Variants in AFDN observed in about 807,000 individuals in gnomAD.
The protein encoded by AFDN is afadin.
A neutral mutation model predicts 216.6 loss-of-function variants in AFDN; 68 were observed. The observed-to-expected ratio is 0.31, with a 90% CI of 0.26 to 0.38. AFDN has a LOEUF of 0.38. AFDN is among the 10% of genes least tolerant of loss of function. The pLI, the probability that AFDN is intolerant of heterozygous loss-of-function variation, is 1.00. For synonymous variants in AFDN, 868 were observed against 853.7 expected (o/e 1.02, Z -0.29); for missense variants, 2,136 against 2,342.0 (o/e 0.91, Z 1.82).
At chr6:167,831,277 C>G (rs188837291) in intron 1 of AFDN, among the ~76,000 whole-genome samples, 1 of 152,282 alleles carries the variant, frequency 6.6e-6, no homozygotes, top group African/African-American at 2.4e-5. Context: ...TGCTGAAGAT[C>G]TGTTTCTGGT....
In AFDN at chr6:167,926,222, A is replaced by G. The variant is rs917856060; in HGVS notation, c.3099+1131A>G. On this transcript the variant is annotated intron_variant, in intron 23 of 33. Transcript: ENST00000683244. ...CTTTCACCGAAGCTTTTTCTTCCTC[A>G]GCTGCTCTAATTTGTGAAGGGTCCG... is the stretch of plus-strand genomic sequence containing the variant. Among the ~76,000 whole-genome samples, 57 of 152,186 alleles carry G rather than the reference A, an allele frequency of 3.7e-4. 1 individual carries two copies. Among genetic ancestry groups the G allele is most frequent in the Admixed American group, 1.3e-4 (2 of 15,274 alleles).
chr6:167,889,156 A>T, intron 6 of AFDN, 59 bp from the exon 7 acceptor site: 2 of 1,111,532 alleles, frequency 1.8e-6, no homozygotes, highest in Non-Finnish European at 2.7e-6. Context: ...TGTTCTTTTA[A>T]GTACTTGTTA....
At chr6:167,885,901 T>G (rs1453293300) in intron 6 of AFDN, among the ~76,000 whole-genome samples, 1 of 152,222 alleles carries the variant, frequency 6.6e-6, no homozygotes, top group Non-Finnish European at 1.5e-5. Flanking sequence ...CACAATGCTG[T>G]GTATATGTTT....
intron 6 of AFDN, among the ~76,000 whole-genome samples, chr6:167,886,039 A>T (rs2128316581): frequency 6.6e-6 from 1 of 152,344 alleles, no homozygotes; most frequent in South Asian, 2.1e-4. Flanking sequence ...TATAAAATAA[A>T]TGCATAAAGA....
intron 23 of AFDN, among the ~76,000 whole-genome samples, chr6:167,925,860 ATG>A (rs1792458529): frequency 6.6e-6 from 1 of 151,840 alleles, no homozygotes; most frequent in African/African-American, 2.4e-5. Context: ...TGAAACAAAT[ATG>A]TGTTTAGCTA....
chr6:167,944,882 G>A (rs184292610), intron 26 of AFDN, among the ~76,000 whole-genome samples: 13 of 152,188 alleles, frequency 8.5e-5, no homozygotes, highest in African/African-American at 2.2e-4. Context: ...GTGCGTCCAC[G>A]AGTGAGTAGT....
Position 167,962,783 on chromosome 6 carries a change from G to T in AFDN, c.4968+216G>T. The T allele has an allele frequency of 7.2e-7, 1 of 1,389,790 alleles. No homozygotes were observed. Among genetic ancestry groups the T allele is most frequent in the Non-Finnish European group, 9.3e-7 (1 of 1,072,478 alleles). 86.1% of individuals were successfully genotyped at this position (1,389,790 alleles called of 1,614,324 possible). A position where few individuals can be genotyped will look rare whatever the true frequency, so the allele number is the denominator to read the frequency against. ...GTCTCCAGATCCCCTTATCTGCCAA[G>T]TTTTGTCTCCTTCAAACTTCTGAAC... On this transcript the variant is annotated intron_variant, in intron 31 of 33. Transcript: ENST00000683244. This position sits in a 1 kb window ranked among gnomAD's most constrained non-coding sequence, Gnocchi z 5.2.
intron 26 of AFDN, among the ~76,000 whole-genome samples, chr6:167,944,396 A>G (rs1046492053): frequency 2.6e-5 from 4 of 152,228 alleles, no homozygotes; most frequent in Admixed American, 6.5e-5. Context: ...GAACTGGGAA[A>G]AAAACTAAAG....
chr6:167,936,592 T>C (rs1463642080), intron 23 of AFDN, among the ~76,000 whole-genome samples: 1 of 152,194 alleles, frequency 6.6e-6, no homozygotes, highest in Non-Finnish European at 1.5e-5. Context: ...CCGTAGGCAG[T>C]ACAATTCTCA....
intron 1 of AFDN, among the ~76,000 whole-genome samples, chr6:167,850,995 G>A (rs150292896): frequency 0.034 from 5,230 of 151,944 alleles, 123 homozygotes; most frequent in African/African-American, 0.055. Flanking sequence ...CCTGCATTCA[G>A]GCGATTCTCC....
chr6:167,880,549 C>G, intron 6 of AFDN, 32 bp downstream of exon 6: 1 of 1,596,552 alleles, frequency 6.3e-7, no homozygotes, highest in Non-Finnish European at 8.6e-7. Flanking sequence ...GTAGTTCTTT[C>G]TACTTCACAT....
rs139997773 is a variant in AFDN at position 167,971,972 on chromosome 6, C to T, written c.*2037C>T. On this transcript the variant is annotated 3_prime_UTR_variant, in exon 34 of 34. Coordinates refer to ENST00000683244, the MANE Select transcript of AFDN (RefSeq NM_001386888.1). Reference sequence around the variant, plus strand: ...TTATATTTGTAACATCAGCCTTCCTCGCCCATCTCTTTCCATCTGTCTCTT... The same window carrying T: ...TTATATTTGTAACATCAGCCTTCCTTGCCCATCTCTTTCCATCTGTCTCTT... 1.5e-3 allele frequency: 294 copies of T among 194,774 alleles called. 1 individual carries two copies. The highest frequency in any genetic ancestry group is 6.2e-3 in the African/African-American group (268 of 43,224). 12.1% of individuals were successfully genotyped at this position (194,774 alleles called of 1,614,324 possible).
intron 1 of AFDN, among the ~76,000 whole-genome samples, chr6:167,857,224 A>T (rs1386372010): frequency 1.4e-5 from 2 of 138,482 alleles, no homozygotes; most frequent in African/African-American, 5.1e-5. Context: ...GAGAGATAGG[A>T]TGGGGGTGGG....
chr6:167,849,327 A>C (rs559324598), intron 1 of AFDN, among the ~76,000 whole-genome samples: 115 of 151,762 alleles, frequency 7.6e-4, no homozygotes, highest in Non-Finnish European at 1.3e-3. Context: ...GGGGGGAGAG[A>C]TTTCCAGCAA....
intron 5 of AFDN, among the ~76,000 whole-genome samples, chr6:167,878,597 CTCTCTCTCTG>C (rs1026895852): frequency 1.4e-5 from 2 of 141,486 alleles, no homozygotes; most frequent in African/African-American, 5.1e-5. Context: ...CTCTCTCTCT[CTCTCTCTCTG>C]TCTCTCTCTC....
chr6:167,871,616 G>A (rs915676507), intron 3 of AFDN, among the ~76,000 whole-genome samples: 1 of 152,206 alleles, frequency 6.6e-6, no homozygotes, highest in East Asian at 1.9e-4. Flanking sequence ...CTGCTAGCAG[G>A]CCATTGTTCG....
intron 23 of AFDN, among the ~76,000 whole-genome samples, chr6:167,928,690 C>G (rs1190527634): frequency 1.3e-5 from 2 of 152,236 alleles, no homozygotes; most frequent in African/African-American, 4.8e-5. Flanking sequence ...TCCACCCGGC[C>G]TCTGCCCATT....
In AFDN at chr6:167,834,457, G is replaced by GTTTTTT. The variant is rs11446838; in HGVS notation, c.105+7237_105+7242dup. 3.7e-4 allele frequency among the ~76,000 whole-genome samples: 28 copies of GTTTTTT among 75,246 alleles called. 3 individuals carry two copies. The highest frequency in any genetic ancestry group is 8.4e-4 in the African/African-American group (16 of 19,118). 49.4% of individuals were successfully genotyped at this position (75,246 alleles called of 152,430 possible). The stretch of plus-strand genomic sequence containing the variant: ...GATTTTTGTTGTTGTTGTTGTTTCG[G>GTTTTTT]TTTTTTTTTTTTTTTTTTTTTTCGA... On this transcript the variant is annotated intron_variant, in intron 1 of 33. Coordinates refer to ENST00000683244, the MANE Select transcript of AFDN (RefSeq NM_001386888.1).
chr6:167,895,826 A>G (rs1788170490), intron 9 of AFDN, among the ~76,000 whole-genome samples: 1 of 152,150 alleles, frequency 6.6e-6, no homozygotes, highest in South Asian at 2.1e-4. Context: ...CGGGTTTGAA[A>G]GTTATAAGGC....
Sources: allele counts gnomAD v4.1 joint callset (sites outside exome capture counted in the v4.1 genomes callset), GRCh38; gene constraint gnomAD v4.1.1; non-coding constraint Gnocchi (gnomAD v3.1); transcripts MANE v1.5; gene names NCBI Gene and HGNC (gene_info 2026-07-23, HGNC 2026-07-21).